ZNF407: variants seen among roughly 807,000 people sequenced by gnomAD.
ZNF407 encodes the protein zinc finger protein 407.
Under a neutral mutation model 131.2 loss-of-function variants are expected in ZNF407, and 17 were observed. The ratio of observed to expected loss-of-function variants is 0.13; its 90% CI spans 0.09 to 0.19. The LOEUF is 0.19. Ranked by LOEUF, ZNF407 falls within the 10% of genes least tolerant of loss-of-function variation. The pLI, the probability that ZNF407 is intolerant of heterozygous loss-of-function variation, is 1.00. For synonymous variants in ZNF407, 1,156 were observed against 1,062.0 expected (o/e 1.09, Z -1.72); for missense variants, 2,681 against 2,830.6 (o/e 0.95, Z 1.20).
At chr18:74,954,857 G>C (rs1475741495) in intron 8 of ZNF407, among the ~76,000 whole-genome samples, 1 of 152,062 alleles carries the variant, frequency 6.6e-6, no homozygotes. Context: ...ACTTGACGAA[G>C]GAAATAAATG....
chr18:74,925,885 T>C (rs1480552772), intron 8 of ZNF407, among the ~76,000 whole-genome samples: 2 of 152,224 alleles, frequency 1.3e-5, no homozygotes, highest in South Asian at 2.1e-4. Context: ...ATAAGTATCA[T>C]CTCAAATTTA....
chr18:74,748,670 G>A (rs1968727416), intron 3 of ZNF407, among the ~76,000 whole-genome samples: 1 of 152,042 alleles, frequency 6.6e-6, no homozygotes, highest in Non-Finnish European at 1.5e-5. Context: ...ATCATAAACA[G>A]TACATTAGGT....
intron 4 of ZNF407, among the ~76,000 whole-genome samples, chr18:74,791,430 G>A (rs1969823886): frequency 6.6e-6 from 1 of 152,128 alleles, no homozygotes; most frequent in African/African-American, 2.4e-5. Context: ...TGTGAATAAT[G>A]ATTTCTTAGA....
intron 7 of ZNF407, among the ~76,000 whole-genome samples, chr18:74,901,365 A>G (rs534382028): frequency 3.9e-5 from 6 of 152,130 alleles, no homozygotes; most frequent in Non-Finnish European, 7.4e-5. Flanking sequence ...GCAAATTGAG[A>G]TAGTTCTGTT....
chr18:74,891,023 G>T (rs1349020952), intron 7 of ZNF407, among the ~76,000 whole-genome samples: 2 of 152,222 alleles, frequency 1.3e-5, no homozygotes, highest in African/African-American at 4.8e-5. Flanking sequence ...CCTAGTGGCG[G>T]CAGCGAAGCC....
rs35915370 is a variant in ZNF407 at position 74,810,355 on chromosome 18, C to CT, written c.4877+28866dup. 8.4e-4 allele frequency among the ~76,000 whole-genome samples: 124 copies of CT among 147,130 alleles called. 1 individual carries two copies. The highest frequency in any genetic ancestry group is 2.8e-3 in the African/African-American group (113 of 39,684). Reference sequence around the variant, plus strand: ...AAGCGTCAAAGGTGATGCACCTTTGCTTTTTTTTTTTTTAAATCAGTAATC... The same window carrying CT: ...AAGCGTCAAAGGTGATGCACCTTTGCTTTTTTTTTTTTTTAAATCAGTAATC... On this transcript the variant is annotated intron_variant, in intron 4 of 8. Transcript: ENST00000299687.
Position 74,634,594 on chromosome 18 carries a change from A to C in ZNF407, c.3575A>C (p.Tyr1192Ser), listed in dbSNP as rs541051452. 2 of 1,613,802 alleles carry C rather than the reference A, an allele frequency of 1.2e-6. No individual in the cohort carries two copies. The highest frequency in any genetic ancestry group is 2.7e-5 in the African/African-American group (2 of 74,920). Residue 1192 changes from tyrosine (Y) to serine (S), a missense_variant, in exon 2 of 9, where the codon TAT (tyrosine) becomes TCT (serine). Around this residue, in one of 6 missense-constraint regions of ZNF407, gnomAD observed 1,789 missense variants for 1,748.7 expected, o/e 1.02. Transcript: ENST00000299687. ...EMMSLTMSSN[Y>S]GSPSRFQNEN... ...ATGTCACTTACTATGTCCTCAAACTATGGCTCCCCAAGCAGATTTCAAAAT... is the reference window on the plus strand; with the variant it reads ...ATGTCACTTACTATGTCCTCAAACTCTGGCTCCCCAAGCAGATTTCAAAAT...
intron 8 of ZNF407, among the ~76,000 whole-genome samples, chr18:75,049,357 C>G (rs189371379): frequency 2.4e-4 from 37 of 152,280 alleles, no homozygotes; most frequent in African/African-American, 7.5e-4. Context: ...GTTTCACTAA[C>G]ATAGCCTGGG....
chr18:74,994,860 A>G (rs1972762078), intron 8 of ZNF407, among the ~76,000 whole-genome samples: 1 of 152,022 alleles, frequency 6.6e-6, no homozygotes, highest in Admixed American at 6.6e-5. Context: ...CAGAGTTGAG[A>G]TTTTTTTCTA....
At chr18:74,624,534 G>T (rs1214458146) in intron 1 of ZNF407, among the ~76,000 whole-genome samples, 1 of 152,196 alleles carries the variant, frequency 6.6e-6, no homozygotes, top group African/African-American at 2.4e-5. Flanking sequence ...TCTGCCTTTA[G>T]ATTGTCTCTG....
At chr18:74,982,964 T>A (rs1972610333) in intron 8 of ZNF407, among the ~76,000 whole-genome samples, 1 of 146,916 alleles carries the variant, frequency 6.8e-6, no homozygotes, top group Non-Finnish European at 1.5e-5. Context: ...TGAAAAAAAA[T>A]TTTTTTCCTT....
At chr18:74,684,585 A>C (rs1967056034) in intron 3 of ZNF407, among the ~76,000 whole-genome samples, 1 of 152,178 alleles carries the variant, frequency 6.6e-6, no homozygotes, top group Non-Finnish European at 1.5e-5. Flanking sequence ...GATTTTACAG[A>C]TTGTAAACTG....
chr18:74,761,679 C>T (rs760044968), intron 3 of ZNF407, among the ~76,000 whole-genome samples: 14 of 151,990 alleles, frequency 9.2e-5, no homozygotes, highest in Non-Finnish European at 1.8e-4. Flanking sequence ...AGCTCTATAG[C>T]CTGGTTGTAA....
At chr18:74,770,384 G>A (rs926984785) in intron 3 of ZNF407, among the ~76,000 whole-genome samples, 1 of 151,986 alleles carries the variant, frequency 6.6e-6, no homozygotes, top group Non-Finnish European at 1.5e-5. Context: ...GTAACAGAGG[G>A]AGTCCCTGTC....
chr18:74,796,732 C>T (rs954046177), intron 4 of ZNF407, among the ~76,000 whole-genome samples: 1 of 151,960 alleles, frequency 6.6e-6, no homozygotes, highest in Admixed American at 6.6e-5. Context: ...AATGCACGCT[C>T]GAAGCTTGTT....
At chr18:74,835,627 GGGGTGTGTGTGTGTGTGT>G (rs1970545698) in intron 4 of ZNF407, among the ~76,000 whole-genome samples, 1 of 117,436 alleles carries the variant, frequency 8.5e-6, no homozygotes. Context: ...TGGACAGAGG[GGGGTGTGTGTGTGTGTGT>G]GTGTGTGTGT....
intron 3 of ZNF407, among the ~76,000 whole-genome samples, chr18:74,664,661 A>G (rs1005278823): frequency 2.5e-4 from 38 of 152,024 alleles, no homozygotes; most frequent in African/African-American, 8.7e-4. Context: ...GGTATTGGTG[A>G]TTGCTTTTTC....
At chr18:74,689,945 G>GT (rs1967181226) in intron 3 of ZNF407, among the ~76,000 whole-genome samples, 1 of 152,080 alleles carries the variant, frequency 6.6e-6, no homozygotes, top group Admixed American at 6.5e-5. Context: ...GAGGACACTG[G>GT]GCACCAAGCT....
intron 4 of ZNF407, among the ~76,000 whole-genome samples, chr18:74,823,123 G>A (rs190923546): frequency 7.9e-5 from 12 of 152,202 alleles, no homozygotes; most frequent in African/African-American, 2.4e-4. Context: ...CTACATAAGC[G>A]AAGGAGAAAT....
Sources: allele counts gnomAD v4.1 joint callset (sites outside exome capture counted in the v4.1 genomes callset), GRCh38; gene constraint gnomAD v4.1.1; regional missense constraint gnomAD v4.1.1; transcripts MANE v1.5; gene names NCBI Gene and HGNC (gene_info 2026-07-23, HGNC 2026-07-21).